The following CHIC1 variants were observed in gnomAD, a reference collection of about 807,000 sequenced individuals.
CHIC1 encodes cysteine rich hydrophobic domain 1, also known as cysteine-rich hydrophobic domain-containing protein 1.
Under a neutral mutation model 18.5 loss-of-function variants are expected in CHIC1, and 7 were observed. That is an observed-to-expected ratio of 0.38 (90% CI 0.22 to 0.71). The LOEUF is 0.71. Ranked by LOEUF, CHIC1 falls within the 30% of genes least tolerant of loss-of-function variation. The probability of loss-of-function intolerance (pLI) is 0.49; values close to 1 mark genes in which losing one functional copy is unlikely to be tolerated. For missense variants in CHIC1, 159 were observed against 176.9 expected (o/e 0.90, Z 0.57); for synonymous variants, 77 against 73.5 (o/e 1.05, Z -0.25).
intron 3 of CHIC1, among the ~76,000 whole-genome samples, chrX:73,674,179 A>G (rs1168734677): frequency 3.7e-5 from 4 of 109,588 alleles, no homozygotes; most frequent in Non-Finnish European, 7.7e-5. Flanking sequence ...TTTTGCATCG[A>G]TGTTCTAAAA....
At chrX:73,610,368 G>A (rs974065346) in intron 3 of CHIC1, among the ~76,000 whole-genome samples, 3 of 107,638 alleles carry the variant, frequency 2.8e-5, no homozygotes, top group Non-Finnish European at 3.8e-5. Flanking sequence ...ATGCCCCACC[G>A]TGCTTCTGCT....
At position 73,633,883 on chromosome X, in the gene CHIC1, T is replaced by G. The variant is rs754183740; in HGVS notation, c.508-45443T>G. Among the ~76,000 whole-genome samples, 8 of 111,268 alleles carry G rather than the reference T, an allele frequency of 7.2e-5. 1 individual carries two copies. The South Asian group carries it at 2.3e-3, about 32-fold the overall frequency. Reference sequence around the variant, plus strand: ...GATTTTCAGCTCCAGGATTTCTGGGTTTTTTTAATAGATTTTTTACTGCTT... The same window carrying G: ...GATTTTCAGCTCCAGGATTTCTGGGGTTTTTTAATAGATTTTTTACTGCTT... On this transcript the variant is annotated intron_variant, in intron 3 of 5. Coordinates refer to ENST00000373502, the MANE Select transcript of CHIC1 (RefSeq NM_001039840.4).
chrX:73,638,275 G>T (rs1335572406), intron 3 of CHIC1, among the ~76,000 whole-genome samples: 1 of 111,512 alleles, frequency 9.0e-6, no homozygotes, highest in Non-Finnish European at 1.9e-5. Flanking sequence ...TTTATCAGGA[G>T]TGCCTTCTGC....
intron 3 of CHIC1, among the ~76,000 whole-genome samples, chrX:73,586,943 T>C (rs2057555843): frequency 8.9e-6 from 1 of 111,873 alleles, no homozygotes; most frequent in South Asian, 3.7e-4. Flanking sequence ...CGCTCAACTG[T>C]GGCATTGTCA....
At chrX:73,649,554 TAAAAC>T (rs1451027328) in intron 3 of CHIC1, among the ~76,000 whole-genome samples, 1 of 111,415 alleles carries the variant, frequency 9.0e-6, no homozygotes, top group African/African-American at 3.3e-5. Context: ...TAGTCTCTGA[TAAAAC>T]AAACTTCCCA....
chrX:73,675,825 C>A (rs1200004595), intron 3 of CHIC1, among the ~76,000 whole-genome samples: 1 of 110,586 alleles, frequency 9.0e-6, no homozygotes, highest in African/African-American at 3.3e-5. Flanking sequence ...TCTTCCTAGC[C>A]TCAATGGTCT....
At chrX:73,622,892 G>C (rs186431206) in intron 3 of CHIC1, among the ~76,000 whole-genome samples, 1 of 111,818 alleles carries the variant, frequency 8.9e-6, no homozygotes, top group Non-Finnish European at 1.9e-5. Flanking sequence ...TTGTGTCTTT[G>C]TTGTCATTGG....
chrX:73,666,731 A>G (rs1340235251), intron 3 of CHIC1, among the ~76,000 whole-genome samples: 1 of 112,061 alleles, frequency 8.9e-6, no homozygotes, highest in Non-Finnish European at 1.9e-5. Flanking sequence ...GACTATTATG[A>G]TTTCTGTTCT....
At chrX:73,571,931 A>G (rs2057472501) in intron 1 of CHIC1, among the ~76,000 whole-genome samples, 1 of 110,847 alleles carries the variant, frequency 9.0e-6, no homozygotes, top group Admixed American at 9.6e-5. Flanking sequence ...CAAGGACAGT[A>G]TGAAATTCCT....
intron 3 of CHIC1, among the ~76,000 whole-genome samples, chrX:73,612,418 A>AT (rs1267555788): frequency 9.1e-6 from 1 of 110,307 alleles, no homozygotes; most frequent in African/African-American, 3.3e-5. Context: ...TGAGCTTTCT[A>AT]TTTTTTGTTG....
chrX:73,638,421 A>G (rs909429558), intron 3 of CHIC1, among the ~76,000 whole-genome samples: 1 of 111,430 alleles, frequency 9.0e-6, no homozygotes, highest in Non-Finnish European at 1.9e-5. Context: ...CTGAGTTCCT[A>G]CCTCATTCAG....
At chrX:73,599,941 G>A (rs1603342091) in intron 3 of CHIC1, among the ~76,000 whole-genome samples, 1 of 96,064 alleles carries the variant, frequency 1.0e-5, no homozygotes, top group Non-Finnish European at 2.0e-5. Flanking sequence ...CCATTTTCAC[G>A]ATATTGATTC....
intron 3 of CHIC1, among the ~76,000 whole-genome samples, chrX:73,631,799 G>T (rs1019719928): frequency 9.0e-6 from 1 of 111,533 alleles, no homozygotes; most frequent in African/African-American, 3.3e-5. Flanking sequence ...TGACCCATTG[G>T]TTGTGCAGAA....
At chrX:73,651,068 A>G (rs1039864363) in intron 3 of CHIC1, among the ~76,000 whole-genome samples, 3 of 112,072 alleles carry the variant, frequency 2.7e-5, no homozygotes, top group Admixed American at 9.5e-5. Flanking sequence ...CATCACATAA[A>G]CAGAACCAAA....
intron 3 of CHIC1, among the ~76,000 whole-genome samples, chrX:73,624,293 A>G (rs2057773919): frequency 8.9e-6 from 1 of 112,119 alleles, no homozygotes; most frequent in African/African-American, 3.2e-5. Flanking sequence ...TGATACCCCC[A>G]AAAGTCAAAA....
At chrX:73,638,558 A>C (rs1468326917) in intron 3 of CHIC1, among the ~76,000 whole-genome samples, 1 of 110,818 alleles carries the variant, frequency 9.0e-6, no homozygotes, top group Non-Finnish European at 1.9e-5. Flanking sequence ...TTCAGGGTAC[A>C]TGTGCACGTT....
chrX:73,581,881 A>T (rs1032941838), intron 2 of CHIC1, among the ~76,000 whole-genome samples: 2 of 111,044 alleles, frequency 1.8e-5, no homozygotes, highest in Non-Finnish European at 3.8e-5. Flanking sequence ...ATATAATAAA[A>T]GGCAAATTTT....
Position 73,563,461 on chromosome X carries a change from AGAGGAGGAGGAGGAAGAG to A in CHIC1, c.186_203del (p.Glu63_Glu68del). 1 of 1,162,484 alleles carries A rather than the reference AGAGGAGGAGGAGGAAGAG, an allele frequency of 8.6e-7. No individual in the cohort carries two copies. On this transcript the variant is annotated inframe_deletion, in exon 1 of 6. Coordinates refer to ENST00000373502, the MANE Select transcript of CHIC1 (RefSeq NM_001039840.4). ...AGGAGGAAGAGGAGGAGGAGGAAGA[AGAGGAGGAGGAGGAAGAG>A]GAGGAGGAAGCGCCGCCCCCGCCTC...
At chrX:73,649,312 T>C (rs893030025) in intron 3 of CHIC1, among the ~76,000 whole-genome samples, 3 of 111,559 alleles carry the variant, frequency 2.7e-5, no homozygotes, top group Non-Finnish European at 5.6e-5. Flanking sequence ...AATAACCAGC[T>C]AGGATCATGA....
Sources: allele counts gnomAD v4.1 joint callset (sites outside exome capture counted in the v4.1 genomes callset), GRCh38; gene constraint gnomAD v4.1.1; transcripts MANE v1.5; gene names NCBI Gene and HGNC (gene_info 2026-07-23, HGNC 2026-07-21).